MACF1: variants seen among roughly 807,000 people sequenced by gnomAD.
MACF1 encodes the protein microtubule-actin cross-linking factor 1.
MACF1 carries 193 observed loss-of-function variants against 854.8 expected under a neutral mutation model. The observed-to-expected ratio is 0.23, with a 90% confidence interval of 0.20 to 0.25. The LOEUF is 0.25. MACF1 is among the 10% of genes least tolerant of loss of function. The pLI is 1.00. For synonymous variants in MACF1, 3,185 were observed against 3,226.7 expected (o/e 0.99, Z 0.44); for missense variants, 7,722 against 8,929.1 (o/e 0.86, Z 5.45).
At chr1:39,094,615 G>A (rs1641892011) in intron 2 of MACF1, among the ~76,000 whole-genome samples, 1 of 151,850 alleles carries the variant, frequency 6.6e-6, no homozygotes, top group South Asian at 2.1e-4. Context: ...CTACTCGGGA[G>A]GCTGAGGCAG....
intron 2 of MACF1, among the ~76,000 whole-genome samples, chr1:39,134,539 C>A (rs1347109058): frequency 1.3e-5 from 2 of 152,106 alleles, no homozygotes; most frequent in African/African-American, 4.8e-5. Context: ...TGGAAAGGAA[C>A]CCTGGCTTTG....
At chr1:39,122,370 C>A (rs1022622389) in intron 2 of MACF1, among the ~76,000 whole-genome samples, 1 of 151,640 alleles carries the variant, frequency 6.6e-6, no homozygotes, top group African/African-American at 2.4e-5. Context: ...TTCTGTACCT[C>A]AGCCTCCCGA....
At chr1:39,459,013 G>A in intron 90 of MACF1, 73 bp from the exon 91 acceptor site, 1 of 1,283,438 alleles carries the variant, frequency 7.8e-7, no homozygotes, top group East Asian at 2.3e-5. Flanking sequence ...AGATCTTCTA[G>A]GTTTATACAT....
chr1:39,170,847 T>C (rs1399436011), intron 2 of MACF1, among the ~76,000 whole-genome samples: 1 of 152,200 alleles, frequency 6.6e-6, no homozygotes, highest in African/African-American at 2.4e-5. Flanking sequence ...CTTCTAGGGC[T>C]CCAGGCTTTG....
intron 6 of MACF1, among the ~76,000 whole-genome samples, chr1:39,267,327 T>C (rs952253557): frequency 6.6e-6 from 1 of 152,092 alleles, no homozygotes; most frequent in African/African-American, 2.4e-5. Context: ...CACCTCCCAG[T>C]TCAAGCAATT....
chr1:39,195,010 G>A (rs1644303292), intron 2 of MACF1, among the ~76,000 whole-genome samples: 1 of 152,158 alleles, frequency 6.6e-6, no homozygotes, highest in African/African-American at 2.4e-5. Flanking sequence ...TTTAATTTCT[G>A]AATTAATAAA....
intron 58 of MACF1, among the ~76,000 whole-genome samples, chr1:39,393,851 G>GAGAGAGAGAGAGAGAA (rs1300329815): frequency 6.8e-6 from 1 of 146,080 alleles, no homozygotes; most frequent in African/African-American, 2.7e-5. Flanking sequence ...GGGAGGGAGA[G>GAGAGAGAGAGAGAGAA]AGAGAGAGAG....
intron 89 of MACF1, among the ~76,000 whole-genome samples, chr1:39,455,777 C>T (rs1181796822): frequency 6.6e-6 from 1 of 152,174 alleles, no homozygotes. Flanking sequence ...AGTGAAGGTG[C>T]ACATTAGACT....
chr1:39,244,876 C>G (rs1644965259), intron 2 of MACF1, among the ~76,000 whole-genome samples: 1 of 152,012 alleles, frequency 6.6e-6, no homozygotes, highest in African/African-American at 2.4e-5. Flanking sequence ...ACCACCCTGG[C>G]CAATTTTTGT....
chr1:39,294,629 C>G (rs1331946584), intron 18 of MACF1, among the ~76,000 whole-genome samples: 1 of 152,154 alleles, frequency 6.6e-6, no homozygotes, highest in East Asian at 1.9e-4. Flanking sequence ...AAATTGAGTC[C>G]TGCAGTTAAT....
intron 56 of MACF1, among the ~76,000 whole-genome samples, chr1:39,383,057 G>C (rs949719823): frequency 6.6e-6 from 1 of 152,146 alleles, no homozygotes; most frequent in Non-Finnish European, 1.5e-5. Flanking sequence ...CGGGATGAAG[G>C]TTGCCATGAG....
intron 23 of MACF1, chr1:39,304,664 C>T (rs960825630): frequency 1.3e-5 from 6 of 452,426 alleles, no homozygotes; most frequent in Non-Finnish European, 2.4e-5. Flanking sequence ...CCTGTGTTCA[C>T]GCCATTCTCC....
At chr1:39,309,803 T>A in intron 24 of MACF1, 107 bp downstream of exon 24, 1 of 1,233,536 alleles carries the variant, frequency 8.1e-7, no homozygotes, top group Non-Finnish European at 1.1e-6. Context: ...TGGAGTAAAG[T>A]GGACTCAGGA....
chr1:39,414,200 C>T, intron 58 of MACF1: 1 of 1,613,644 alleles, frequency 6.2e-7, no homozygotes, highest in Non-Finnish European at 8.5e-7. Flanking sequence ...CCTGCTGCTT[C>T]AGTGCCCACC....
At chr1:39,306,606 CTATCT>C (rs1646182021) in intron 23 of MACF1, among the ~76,000 whole-genome samples, 1 of 115,586 alleles carries the variant, frequency 8.7e-6, no homozygotes, top group Admixed American at 1.2e-4. Flanking sequence ...CTGGACCATT[CTATCT>C]TTTTTTTTTT....
At chr1:39,412,275 G>T in intron 58 of MACF1, 1 of 1,613,898 alleles carries the variant, frequency 6.2e-7, no homozygotes, top group Non-Finnish European at 8.5e-7. Flanking sequence ...CTGAAGTAGA[G>T]GTGTTATATG....
In MACF1 at chr1:39,315,639, C is replaced by G. The variant is rs767144425; in HGVS notation, c.3397C>G (p.Leu1133Val). The G allele has an allele frequency of 1.2e-6, 2 of 1,614,120 alleles. No homozygotes were observed. The highest frequency in any genetic ancestry group is 2.2e-5 in the South Asian group (2 of 91,080). Residue 1133 changes from leucine to valine, a missense_variant, in exon 27 of 101, where the codon CTG becomes GTG. This residue lies in a region of MACF1 where 1,137 missense variants were observed against 1,263.0 expected (regional missense o/e 0.90). Transcript: ENST00000564288. ...VPTLRSELNL[L>V]VEKMDHVYGL... is the part of the protein sequence containing the mutation. The stretch of plus-strand genomic sequence containing the variant: ...AACTCTGCGCTCAGAACTGAATCTG[C>G]TGGTGGAGAAGATGGACCATGTCTA...
chr1:39,438,513 A>C (rs1429292601), intron 71 of MACF1, among the ~76,000 whole-genome samples: 1 of 152,210 alleles, frequency 6.6e-6, no homozygotes, highest in African/African-American at 2.4e-5. Context: ...AGCCACCCGC[A>C]GTGGCTCATG....
chr1:39,337,561 C>CCTTTT (rs1646835408), intron 38 of MACF1, among the ~76,000 whole-genome samples: 1 of 46,484 alleles, frequency 2.2e-5, no homozygotes, highest in Non-Finnish European at 5.0e-5. Flanking sequence ...TAATTACTAC[C>CCTTTT]ATTTTTTTTT....
Sources: allele counts gnomAD v4.1 joint callset (sites outside exome capture counted in the v4.1 genomes callset), GRCh38; gene constraint gnomAD v4.1.1; regional missense constraint gnomAD v4.1.1; transcripts MANE v1.5; gene names NCBI Gene and HGNC (gene_info 2026-07-23, HGNC 2026-07-21).